Variants in PDE8B observed in about 807,000 individuals in gnomAD.
PDE8B encodes the protein phosphodiesterase 8B.
PDE8B carries 26 observed loss-of-function variants against 101.3 expected under a neutral mutation model. The observed-to-expected ratio is 0.26, with a 90% CI of 0.19 to 0.36. The LOEUF is 0.36. Ranked by LOEUF, PDE8B falls within the 10% of genes least tolerant of loss-of-function variation. PDE8B has a pLI of 1.00. For synonymous variants in PDE8B, 424 were observed against 429.3 expected (o/e 0.99, Z 0.15); for missense variants, 810 against 1,163.1 (o/e 0.70, Z 4.42).
the PDE8B span, among the ~76,000 whole-genome samples, chr5:77,154,834 A>G: frequency 6.6e-6 from 1 of 152,218 alleles, no homozygotes; most frequent in African/African-American, 2.4e-5. Flanking sequence ...CGACAGAAAC[A>G]TTCAGTAAAA....
intron 2 of PDE8B, among the ~76,000 whole-genome samples, chr5:77,324,325 A>G (rs1352429243): frequency 1.3e-5 from 2 of 152,136 alleles, no homozygotes; most frequent in African/African-American, 4.8e-5. Context: ...CTGAACATCT[A>G]GGAAGTGCCA....
At chr5:77,354,534 A>G (rs556428925) in intron 10 of PDE8B, among the ~76,000 whole-genome samples, 1 of 152,340 alleles carries the variant, frequency 6.6e-6, no homozygotes, top group South Asian at 2.1e-4. Context: ...TGAGTTCTTC[A>G]TAAGAGCTGA....
the PDE8B span, among the ~76,000 whole-genome samples, chr5:77,167,098 C>T: frequency 6.6e-6 from 1 of 152,202 alleles, no homozygotes; most frequent in African/African-American, 2.4e-5. Context: ...GTTTGCCTGG[C>T]AGCATGTGAA....
chr5:77,272,075 T>A (rs1762921969), intron 1 of PDE8B, among the ~76,000 whole-genome samples: 1 of 152,194 alleles, frequency 6.6e-6, no homozygotes, highest in African/African-American at 2.4e-5. Context: ...TGGTCTAAAC[T>A]TCTGCCCCTT....
At chr5:77,289,358 A>G (rs1468169482) in intron 1 of PDE8B, among the ~76,000 whole-genome samples, 1 of 152,218 alleles carries the variant, frequency 6.6e-6, no homozygotes, top group African/African-American at 2.4e-5. Context: ...CATGGTATAT[A>G]TTTATAGGTT....
At chr5:77,339,894 A>G (rs1778894861) in intron 6 of PDE8B, among the ~76,000 whole-genome samples, 1 of 152,188 alleles carries the variant, frequency 6.6e-6, no homozygotes, top group Non-Finnish European at 1.5e-5. Context: ...TCTAATTTTA[A>G]GATTCTATTA....
chr5:77,377,551 T>A (rs1786385319), intron 10 of PDE8B, among the ~76,000 whole-genome samples: 1 of 152,236 alleles, frequency 6.6e-6, no homozygotes, highest in African/African-American at 2.4e-5. Context: ...GATGTGATGC[T>A]TAGTTTTAGG....
chr5:77,219,272 A>G (rs1750548443), intron 1 of PDE8B, among the ~76,000 whole-genome samples: 1 of 152,160 alleles, frequency 6.6e-6, no homozygotes, highest in Non-Finnish European at 1.5e-5. Flanking sequence ...GACACAGTAT[A>G]TTGTTGGGAA....
chr5:77,375,140 C>T (rs1449800716), intron 10 of PDE8B, among the ~76,000 whole-genome samples: 1 of 152,196 alleles, frequency 6.6e-6, no homozygotes, highest in Non-Finnish European at 1.5e-5. Context: ...CTGATGTGGA[C>T]ACTAACGAAG....
At chr5:77,336,671 A>T (rs1778259767) in intron 5 of PDE8B, among the ~76,000 whole-genome samples, 1 of 152,214 alleles carries the variant, frequency 6.6e-6, no homozygotes, top group Admixed American at 6.5e-5. Context: ...ATGGTGAATG[A>T]TGCTGCTATG....
chr5:77,223,437 A>T (rs4704398), intron 1 of PDE8B, among the ~76,000 whole-genome samples: 26,718 of 137,018 alleles, frequency 0.19, 2,569 homozygotes, highest in East Asian at 0.34. Flanking sequence ...AAAGTCTGGA[A>T]TGTATTTTAC....
At chr5:77,167,251 C>T in the PDE8B span, among the ~76,000 whole-genome samples, 3 of 152,194 alleles carry the variant, frequency 2.0e-5, no homozygotes, top group African/African-American at 7.2e-5. Context: ...TGCTTGTCAA[C>T]ACTCCTCACC....
intron 1 of PDE8B, among the ~76,000 whole-genome samples, chr5:77,251,703 C>T (rs921986298): frequency 6.6e-6 from 1 of 152,062 alleles, no homozygotes; most frequent in African/African-American, 2.4e-5. Context: ...CTCTCTCTTC[C>T]TTTTTTTGTG....
chr5:77,203,333 C>G, the PDE8B span, among the ~76,000 whole-genome samples: 5 of 152,220 alleles, frequency 3.3e-5, no homozygotes, highest in South Asian at 6.2e-4. Context: ...TGATCTTTCT[C>G]TCTGGGCTTG....
intron 1 of PDE8B, among the ~76,000 whole-genome samples, chr5:77,292,891 T>C (rs1767688461): frequency 6.6e-6 from 1 of 152,180 alleles, no homozygotes; most frequent in Non-Finnish European, 1.5e-5. Context: ...TTTATGTCTT[T>C]GATGTTATTT....
the PDE8B span, among the ~76,000 whole-genome samples, chr5:77,186,068 TG>T: frequency 2.0e-5 from 3 of 152,300 alleles, no homozygotes; most frequent in East Asian, 3.9e-4. Flanking sequence ...TCAAAAATGG[TG>T]GCTATTATTA....
the PDE8B span, among the ~76,000 whole-genome samples, chr5:77,168,893 A>G: frequency 6.6e-6 from 1 of 152,196 alleles, no homozygotes; most frequent in Non-Finnish European, 1.5e-5. Flanking sequence ...CATGTTTTTC[A>G]GCCTCTAACT....
At chr5:77,287,479 G>A (rs1011825641) in intron 1 of PDE8B, among the ~76,000 whole-genome samples, 3 of 149,548 alleles carry the variant, frequency 2.0e-5, no homozygotes, top group African/African-American at 7.4e-5. Flanking sequence ...AGTGCTTCTT[G>A]ACTTTGCAGC....
intron 2 of PDE8B, among the ~76,000 whole-genome samples, chr5:77,321,901 C>T (rs556653960): frequency 1.3e-5 from 2 of 152,152 alleles, no homozygotes; most frequent in African/African-American, 2.4e-5. Context: ...GATCTAGGAA[C>T]AATTGGCATT....
Sources: allele counts gnomAD v4.1 joint callset (sites outside exome capture counted in the v4.1 genomes callset), GRCh38; gene constraint gnomAD v4.1.1; transcripts MANE v1.5; gene names NCBI Gene and HGNC (gene_info 2026-07-23, HGNC 2026-07-21).